NAV3: variants seen among roughly 807,000 people sequenced by gnomAD.
NAV3 encodes the protein neuron navigator 3, also known as pore membrane and/or filament interacting like protein 1.
NAV3 carries 87 observed loss-of-function variants against 244.7 expected under a neutral mutation model. The ratio of observed to expected loss-of-function variants is 0.36; its 90% CI spans 0.30 to 0.42. NAV3 has a LOEUF of 0.42. NAV3 is among the 20% of genes least tolerant of loss of function. NAV3 has a pLI of 1.00. For synonymous variants in NAV3, 1,126 were observed against 1,042.2 expected, an observed-to-expected ratio of 1.08 and a Z score of -1.55; for missense variants, 2,663 against 2,893.3, an observed-to-expected ratio of 0.92 and a Z score of 1.83.
chr12:77,860,338 T>G (rs1384676600), intron 1 of NAV3, among the ~76,000 whole-genome samples: 1 of 150,454 alleles, frequency 6.6e-6, no homozygotes, highest in Admixed American at 6.7e-5. Flanking sequence ...GTATTTTATT[T>G]ATAATTTTAT....
At chr12:77,744,855 TATTTATGTG>T (rs1868456049) in intron 2 of NAV3, among the ~76,000 whole-genome samples, 2 of 151,990 alleles carry the variant, frequency 1.3e-5, no homozygotes, top group African/African-American at 4.8e-5. Context: ...ATGTTTAGTA[TATTTATGTG>T]TTTTATTTAA....
In NAV3 at chr12:78,122,070, G is replaced by A. The variant is rs762424798; in HGVS notation, c.3880G>A (p.Gly1294Ser). Residue 1294 changes from glycine to serine, a missense_variant, in exon 16 of 40, where the codon GGT becomes AGT. Physicochemically the swap from Gly to Ser is moderately conservative, Grantham distance 56. Around this residue, in one of 6 missense-constraint regions of NAV3, gnomAD observed 354 missense variants for 413.0 expected, o/e 0.86. Coordinates refer to ENST00000397909, the MANE Select transcript of NAV3 (RefSeq NM_001024383.2). ...RQGSLESPSS[G>S]TGSMGSAGGL... ...AGGCAGTCTGGAGTCACCGTCGTCC[G>A]GTACGGGCAGCATGGGCAGTGCTGG... 6.2e-7 allele frequency: 1 copy of A among 1,614,194 alleles called. No homozygotes were observed. Among genetic ancestry groups the A allele is most frequent in the East Asian group, 2.2e-5 (1 of 44,868 alleles).
chr12:78,000,745 C>T (rs1195342764), intron 7 of NAV3, among the ~76,000 whole-genome samples: 3 of 150,316 alleles, frequency 2.0e-5, no homozygotes, highest in Non-Finnish European at 4.4e-5. Flanking sequence ...CCTCGTGATC[C>T]GCCCGCCTCG....
At chr12:78,087,771 G>A (rs988018064) in intron 12 of NAV3, among the ~76,000 whole-genome samples, 8 of 151,552 alleles carry the variant, frequency 5.3e-5, no homozygotes, top group Non-Finnish European at 1.0e-4. Context: ...TTATTTTTAT[G>A]GTTCTATGTA....
intron 2 of NAV3, among the ~76,000 whole-genome samples, chr12:77,588,998 C>G (rs1665625183): frequency 6.6e-6 from 1 of 152,108 alleles, no homozygotes; most frequent in African/African-American, 2.4e-5. Flanking sequence ...GAGTCCTGTA[C>G]CCTGGACTGA....
rs527398862 is a variant in NAV3 at position 78,032,763 on chromosome 12, C to T, written c.2023+10901C>T. Among the ~76,000 whole-genome samples the T allele has an allele frequency of 2.6e-5, 4 of 152,306 alleles. No individual in the cohort carries two copies. In the East Asian group the frequency reaches 7.7e-4, roughly 29 times the overall value. Reference sequence around the variant, plus strand: ...TGCTTTGGCTTGAGTTTTATTCTCACATTCATTGACAGAAAGAATTTGTCC... The same window carrying T: ...TGCTTTGGCTTGAGTTTTATTCTCATATTCATTGACAGAAAGAATTTGTCC... On this transcript the variant is annotated intron_variant, in intron 9 of 39. Coordinates refer to ENST00000397909, the MANE Select transcript of NAV3 (RefSeq NM_001024383.2).
At chr12:77,880,258 G>A (rs565769143) in intron 1 of NAV3, among the ~76,000 whole-genome samples, 3 of 152,142 alleles carry the variant, frequency 2.0e-5, no homozygotes, top group Non-Finnish European at 4.4e-5. Flanking sequence ...GAAGATACCA[G>A]CAGGAAGCCT....
intron 2 of NAV3, among the ~76,000 whole-genome samples, chr12:77,749,115 G>A (rs1868707370): frequency 6.6e-6 from 1 of 152,182 alleles, no homozygotes; most frequent in Non-Finnish European, 1.5e-5. Flanking sequence ...AGTGAAGTGA[G>A]AAAGATTCTC....
intron 2 of NAV3, among the ~76,000 whole-genome samples, chr12:77,702,363 G>A (rs185150149): frequency 1.6e-4 from 25 of 151,900 alleles, no homozygotes; most frequent in Admixed American, 1.0e-3. Flanking sequence ...AGTCTATCTC[G>A]CAGAGGATAT....
intron 3 of NAV3, among the ~76,000 whole-genome samples, chr12:77,958,886 G>C (rs1891613257): frequency 6.6e-6 from 1 of 152,102 alleles, no homozygotes; most frequent in African/African-American, 2.4e-5. Flanking sequence ...TGAGGTGACT[G>C]TCCATAAGCT....
At chr12:77,679,594 A>G (rs1874358882) in intron 2 of NAV3, among the ~76,000 whole-genome samples, 1 of 152,118 alleles carries the variant, frequency 6.6e-6, no homozygotes, top group Admixed American at 6.6e-5. Flanking sequence ...TTACTCCAGG[A>G]TGCTGAAAGG....
chr12:77,927,619 A>T (rs760518832), intron 1 of NAV3, among the ~76,000 whole-genome samples: 6 of 152,214 alleles, frequency 3.9e-5, no homozygotes, highest in Non-Finnish European at 7.3e-5. Context: ...TAGACACTAC[A>T]TCTTGGAGAA....
intron 12 of NAV3, chr12:78,091,825 A>G: frequency 6.6e-6 from 1 of 150,554 alleles, no homozygotes; most frequent in Non-Finnish European, 1.5e-5. Context: ...TCACCTGTTA[A>G]TTGGCTACAT....
intron 5 of NAV3, among the ~76,000 whole-genome samples, chr12:77,986,721 A>T (rs114405801): frequency 6.6e-6 from 1 of 152,212 alleles, no homozygotes; most frequent in South Asian, 2.1e-4. Context: ...AACATCTTAC[A>T]TGAAATTATT....
intron 1 of NAV3, among the ~76,000 whole-genome samples, chr12:77,924,412 A>G (rs1372583319): frequency 6.6e-6 from 1 of 152,134 alleles, no homozygotes; most frequent in Non-Finnish European, 1.5e-5. Context: ...GCTGCTTTCT[A>G]GAGAATATTT....
chr12:77,589,788 T>C (rs908585604), intron 2 of NAV3, among the ~76,000 whole-genome samples: 2 of 152,228 alleles, frequency 1.3e-5, no homozygotes, highest in Non-Finnish European at 2.9e-5. Context: ...TTAAATTGAC[T>C]CTGAATTTGA....
intron 39 of NAV3, among the ~76,000 whole-genome samples, chr12:78,209,329 TTC>T (rs1293142536): frequency 6.8e-6 from 1 of 147,560 alleles, no homozygotes; most frequent in African/African-American, 2.5e-5. Flanking sequence ...TTTTTTAGAT[TTC>T]TCCTTTCTAT....
upstream of NAV3, among the ~76,000 whole-genome samples, chr12:77,829,775 T>C (rs1157308249): frequency 1.3e-5 from 2 of 152,234 alleles, no homozygotes; most frequent in African/African-American, 4.8e-5. Context: ...TTTTAGTTAT[T>C]GGCTCTTTCA....
At chr12:78,124,654 A>G (rs1045592375) in intron 16 of NAV3, among the ~76,000 whole-genome samples, 3 of 151,950 alleles carry the variant, frequency 2.0e-5, no homozygotes, top group Non-Finnish European at 4.4e-5. Flanking sequence ...AAGTTTCACC[A>G]TGTTGGCCAG....
Sources: gnomAD v4.1 joint callset for allele counts (sites outside exome capture counted in the v4.1 genomes callset) on GRCh38, gnomAD v4.1.1 for gene constraint, gnomAD v4.1.1 regional missense constraint, MANE v1.5 for transcripts, NCBI Gene and HGNC (gene_info 2026-07-23, HGNC 2026-07-21) for gene names.